Variants in CELF2 observed in about 807,000 individuals in gnomAD.
CELF2 encodes CUGBP Elav-like family member 2.
In CELF2, 8 loss-of-function variants were observed where a neutral mutation model predicts 62.6. That is an observed-to-expected ratio of 0.13 (90% CI 0.07 to 0.23). The LOEUF (loss-of-function observed/expected upper bound fraction) is 0.23. Among genes scored for constraint, CELF2 ranks in the 10% least tolerant of loss-of-function variants. The pLI, the probability that CELF2 is intolerant of heterozygous loss-of-function variation, is 1.00. For synonymous variants in CELF2, 258 were observed against 250.0 expected, an observed-to-expected ratio of 1.03 and a Z score of -0.30; for missense variants, 333 against 671.0, an observed-to-expected ratio of 0.50 and a Z score of 5.56.
the CELF2 span, among the ~76,000 whole-genome samples, chr10:10,647,660 G>C: frequency 1.3e-5 from 2 of 152,124 alleles, no homozygotes; most frequent in African/African-American, 2.4e-5. Context: ...ATATCCCCGG[G>C]CCTTGGAGAA....
chr10:10,545,991 C>T, the CELF2 span, among the ~76,000 whole-genome samples: 1 of 152,258 alleles, frequency 6.6e-6, no homozygotes, highest in Non-Finnish European at 1.5e-5. Flanking sequence ...AGAAAGGGAA[C>T]AATCAGGAGA....
At chr10:10,696,352 C>T in the CELF2 span, among the ~76,000 whole-genome samples, 18 of 151,882 alleles carry the variant, frequency 1.2e-4, no homozygotes, top group African/African-American at 4.1e-4. Context: ...AGGAGGCAGT[C>T]TGCCCGTTCT....
Position 11,177,161 on chromosome 10 carries a change from C to T in CELF2, c.271+11479C>T, listed in dbSNP as rs543533983. 1.8e-4 allele frequency among the ~76,000 whole-genome samples: 28 copies of T among 152,042 alleles called. No individual in the cohort carries two copies. The South Asian group carries it at 5.8e-3, about 32-fold the overall frequency. On this transcript the variant is annotated intron_variant, in intron 2 of 12. Transcript: ENST00000633077. This position sits in a 1 kb window ranked among gnomAD's most constrained non-coding sequence, Gnocchi z 4.8. Reference sequence around the variant, plus strand: ...ATGTTAATACTAGCTTTCATAAATCCCCCTCTCTAAAAAACACCCCTTTCT... The same window carrying T: ...ATGTTAATACTAGCTTTCATAAATCTCCCTCTCTAAAAAACACCCCTTTCT...
the CELF2 span, among the ~76,000 whole-genome samples, chr10:10,715,163 A>G: frequency 6.6e-6 from 1 of 152,226 alleles, no homozygotes; most frequent in Non-Finnish European, 1.5e-5. Flanking sequence ...TAAGAACTTC[A>G]TGGATCATTT....
chr10:11,172,836 T>C (rs1218562495), intron 2 of CELF2, among the ~76,000 whole-genome samples: 1 of 152,232 alleles, frequency 6.6e-6, no homozygotes, highest in Non-Finnish European at 1.5e-5. Context: ...CCCAGTCGTC[T>C]TTTCCCCAGT....
chr10:11,103,487 A>ATTTTTTTTTTTCTTTTTTTTTTTTTT (rs2052427692), intron 1 of CELF2, among the ~76,000 whole-genome samples: 1 of 119,754 alleles, frequency 8.4e-6, no homozygotes, highest in African/African-American at 3.5e-5. Flanking sequence ...TTGTAGCCTG[A>ATTTTTTTTTTTCTTTTTTTTTTTTTT]TTTTTTTTTT....
chr10:11,082,378 C>A (rs1399934085), intron 1 of CELF2, among the ~76,000 whole-genome samples: 1 of 152,196 alleles, frequency 6.6e-6, no homozygotes, highest in Non-Finnish European at 1.5e-5. Context: ...TCCAAACTCT[C>A]TTCCCGCTAG....
At chr10:11,283,149 C>T (rs1222901158) in intron 8 of CELF2, among the ~76,000 whole-genome samples, 1 of 152,208 alleles carries the variant, frequency 6.6e-6, no homozygotes, top group Non-Finnish European at 1.5e-5. Flanking sequence ...AGGAGAGGGA[C>T]AGGCTGGAAG....
At chr10:10,866,679 G>A (rs1268422052) in intron 1 of CELF2, among the ~76,000 whole-genome samples, 5 of 150,984 alleles carry the variant, frequency 3.3e-5, no homozygotes, top group East Asian at 3.9e-4. Flanking sequence ...GGTGAGGGCC[G>A]GGCGCGGTGG....
At chr10:10,713,660 T>C in the CELF2 span, among the ~76,000 whole-genome samples, 1 of 152,232 alleles carries the variant, frequency 6.6e-6, no homozygotes, top group Non-Finnish European at 1.5e-5. Flanking sequence ...CATTTTTGAT[T>C]ACCTCTAAGA....
intron 1 of CELF2, among the ~76,000 whole-genome samples, chr10:10,894,313 C>T (rs937522727): frequency 7.9e-5 from 12 of 152,130 alleles, no homozygotes; most frequent in Admixed American, 2.6e-4. Context: ...CCATGTTACT[C>T]GATTTCCGAT....
At chr10:11,043,800 ATC>A (rs1327267112) in intron 1 of CELF2, among the ~76,000 whole-genome samples, 6 of 152,072 alleles carry the variant, frequency 3.9e-5, no homozygotes, top group Admixed American at 6.6e-5. Flanking sequence ...CCCGACCATC[ATC>A]TCTCACCTGG....
the CELF2 span, among the ~76,000 whole-genome samples, chr10:10,474,232 C>T: frequency 1.3e-5 from 2 of 151,820 alleles, no homozygotes. Flanking sequence ...AGCTTGAGCC[C>T]AGGAGTTCAA....
chr10:10,467,800 A>C, the CELF2 span, among the ~76,000 whole-genome samples: 2 of 152,006 alleles, frequency 1.3e-5, no homozygotes, highest in East Asian at 1.9e-4. Context: ...ATTGTTGTGA[A>C]ATTTTTCCTA....
the CELF2 span, among the ~76,000 whole-genome samples, chr10:10,604,888 T>G: frequency 1.3e-5 from 2 of 152,280 alleles, no homozygotes; most frequent in African/African-American, 4.8e-5. Flanking sequence ...CAAATAAAAA[T>G]GCATAACTCT....
chr10:10,865,031 A>G (rs2060270659), intron 1 of CELF2, among the ~76,000 whole-genome samples: 1 of 152,228 alleles, frequency 6.6e-6, no homozygotes, highest in Non-Finnish European at 1.5e-5. Context: ...CTGTATCACC[A>G]TATATTCATT....
chr10:10,562,063 AC>A, the CELF2 span, among the ~76,000 whole-genome samples: 1 of 152,220 alleles, frequency 6.6e-6, no homozygotes, highest in African/African-American at 2.4e-5. Context: ...TACCAAGGTG[AC>A]CAATCAACAC....
Position 11,285,890 on chromosome 10 carries a change from C to T in CELF2, c.842-2528C>T, listed in dbSNP as rs4082670. ...GTGTGTGTGTGTGTTTTTACATGGACTTGAAAATGAGTAAGACATAATTTT... is the reference window on the plus strand; with the variant it reads ...GTGTGTGTGTGTGTTTTTACATGGATTTGAAAATGAGTAAGACATAATTTT... On this transcript the variant is annotated intron_variant, in intron 8 of 12. Transcript: ENST00000633077. This position sits in a 1 kb window ranked among gnomAD's most constrained non-coding sequence, Gnocchi z 4.3. Among the ~76,000 whole-genome samples the T allele has an allele frequency of 0.36, 52,699 of 146,050 alleles. 10,525 individuals carry two copies. The highest frequency in any genetic ancestry group is 0.65 in the East Asian group (3,190 of 4,944).
At chr10:10,788,550 C>A in the CELF2 span, among the ~76,000 whole-genome samples, 2 of 147,786 alleles carry the variant, frequency 1.4e-5, no homozygotes, top group African/African-American at 5.0e-5. Context: ...GCAACCTCCA[C>A]CTCCCAGATT....
Sources: allele counts gnomAD v4.1 joint callset (sites outside exome capture counted in the v4.1 genomes callset), GRCh38; gene constraint gnomAD v4.1.1; non-coding constraint Gnocchi (gnomAD v3.1); transcripts MANE v1.5; gene names NCBI Gene and HGNC (gene_info 2026-07-23, HGNC 2026-07-21).